The following RHCE variants were observed in gnomAD, a reference collection of about 807,000 sequenced individuals.
The protein encoded by RHCE is blood group Rh(CE) polypeptide.
Under a neutral mutation model 43.8 loss-of-function variants are expected in RHCE, and 22 were observed. The ratio of observed to expected loss-of-function variants is 0.50; its 90% CI spans 0.36 to 0.72. The LOEUF (loss-of-function observed/expected upper bound fraction) is 0.72. RHCE is among the 30% of genes least tolerant of loss of function. RHCE has a pLI of 0.00. For missense variants in RHCE, 385 were observed against 525.4 expected (o/e 0.73, Z 2.61); for synonymous variants, 156 against 210.7 (o/e 0.74, Z 2.25).
intron 2 of RHCE, among the ~76,000 whole-genome samples, chr1:25,428,558 A>C (rs1478524752): frequency 6.6e-6 from 1 of 152,226 alleles, no homozygotes; most frequent in Non-Finnish European, 1.5e-5. Flanking sequence ...GAATTAAGGC[A>C]TGAGAAACAA....
intron 1 of RHCE, among the ~76,000 whole-genome samples, chr1:25,411,186 A>G (rs537639590): frequency 1.3e-5 from 2 of 152,186 alleles, no homozygotes; most frequent in Non-Finnish European, 2.9e-5. Flanking sequence ...TACTTTCCTT[A>G]TCAACAGAAT....
Position 25,405,937 on chromosome 1 carries a change from G to C in RHCE, c.335+2746C>G, listed in dbSNP as rs552939224. 4.4e-4 allele frequency among the ~76,000 whole-genome samples: 54 copies of C among 122,994 alleles called. 5 individuals are homozygous for C. The highest frequency in any genetic ancestry group is 1.3e-3 in the African/African-American group (50 of 39,786). The allele number at this position is 122,994 out of a possible 152,430, so 80.7% of individuals were successfully genotyped here. Reference sequence around the variant, plus strand: ...CCTGACGGGAACCGGTCAGGAAGGAGCCAGTTTCAGCAGGGGTCACCCCTA... The same window carrying C: ...CCTGACGGGAACCGGTCAGGAAGGACCCAGTTTCAGCAGGGGTCACCCCTA... On this transcript the variant is annotated intron_variant, in intron 2 of 9. Transcript: ENST00000294413.
At chr1:25,377,771 G>A (rs1645833638) in intron 7 of RHCE, among the ~76,000 whole-genome samples, 1 of 152,146 alleles carries the variant, frequency 6.6e-6, no homozygotes, top group Non-Finnish European at 1.5e-5. Context: ...TGGGCATGGT[G>A]GCATGCACCT....
chr1:25,370,919 T>A (rs1369341478), intron 8 of RHCE, among the ~76,000 whole-genome samples: 1 of 147,512 alleles, frequency 6.8e-6, no homozygotes, highest in Non-Finnish European at 1.5e-5. Flanking sequence ...CAGCTAATTT[T>A]TTTTTTTTTT....
chr1:25,424,089 G>T (rs1382970950), upstream of RHCE, among the ~76,000 whole-genome samples: 2 of 152,184 alleles, frequency 1.3e-5, no homozygotes, highest in Non-Finnish European at 2.9e-5. Context: ...TACATTACAT[G>T]AGATATTCAA....
chr1:25,362,281 G>T lies in RHCE; in HGVS notation c.*246C>A, dbSNP rs1645420706. 2 of 842,434 alleles carry T rather than the reference G, an allele frequency of 2.4e-6. No individual in the cohort carries two copies. The highest frequency in any genetic ancestry group is 2.9e-5 in the Admixed American group (1 of 34,738). 52.2% of individuals were successfully genotyped at this position (842,434 alleles called of 1,614,324 possible). A position where few individuals can be genotyped will look rare whatever the true frequency, so the allele number is the denominator to read the frequency against. On this transcript the variant is annotated 3_prime_UTR_variant, in exon 10 of 10. Coordinates refer to ENST00000294413, the MANE Select transcript of RHCE (RefSeq NM_020485.8). Reference sequence around the variant, plus strand: ...AACCCAAAACTTTAATAATGTGTCTGTAACCAAGAAAATATTGATAGCATC... The same window carrying T: ...AACCCAAAACTTTAATAATGTGTCTTTAACCAAGAAAATATTGATAGCATC...
chr1:25,409,199 G>A (rs1647000679), intron 1 of RHCE, among the ~76,000 whole-genome samples: 1 of 123,630 alleles, frequency 8.1e-6, no homozygotes, highest in African/African-American at 2.5e-5. Flanking sequence ...TAAAGTACAC[G>A]TGCTTGATGC....
chr1:25,369,452 A>T (rs1645537604), intron 9 of RHCE, among the ~76,000 whole-genome samples: 1 of 151,676 alleles, frequency 6.6e-6, no homozygotes, highest in Admixed American at 6.6e-5. Context: ...GGGACACATC[A>T]GAGTGCTGCG....
At chr1:25,385,434 G>C (rs913742314) in intron 7 of RHCE, 19 of 503,256 alleles carry the variant, frequency 3.8e-5, no homozygotes, top group Non-Finnish European at 7.1e-5. Flanking sequence ...GGGCCTATTT[G>C]ACCTGCTCTG....
chr1:25,376,449 G>A (rs780926136), intron 7 of RHCE, among the ~76,000 whole-genome samples: 2 of 152,266 alleles, frequency 1.3e-5, no homozygotes, highest in East Asian at 3.9e-4. Flanking sequence ...TAAGACAAAG[G>A]AAAGCTCCAA....
intron 8 of RHCE, among the ~76,000 whole-genome samples, chr1:25,372,317 C>G (rs35302526): frequency 6.6e-6 from 1 of 151,284 alleles, no homozygotes; most frequent in Non-Finnish European, 1.5e-5. Flanking sequence ...GTCAGGAGTT[C>G]GAGACCAGCA....
upstream of RHCE, chr1:25,420,995 A>G (rs531791417): frequency 1.6e-6 from 1 of 637,612 alleles, no homozygotes; most frequent in East Asian, 2.8e-5. Flanking sequence ...ATGTTTTCCA[A>G]TATTGTCATT....
rs1236021299 is a variant in RHCE, at chr1:25,406,684, G to A, written c.335+1999C>T. Among the ~76,000 whole-genome samples the A allele has an allele frequency of 2.7e-5, 3 of 112,520 alleles. 1 individual carries two copies. 73.8% of individuals were successfully genotyped at this position (112,520 alleles called of 152,430 possible). ...TCTGTCGCCCAGGCTAGAGTGCAGT[G>A]GCACGATCTCGGCTCACTGCAAACT... is the stretch of plus-strand genomic sequence containing the variant. On this transcript the variant is annotated intron_variant, in intron 2 of 9. Transcript: ENST00000294413.
chr1:25,411,985 C>T (rs1359995889), intron 1 of RHCE, among the ~76,000 whole-genome samples: 1 of 152,174 alleles, frequency 6.6e-6, no homozygotes, highest in Non-Finnish European at 1.5e-5. Flanking sequence ...TCTCATTTTA[C>T]AGAAGGGGAC....
chr1:25,390,478 C>T (rs545478896), intron 5 of RHCE, among the ~76,000 whole-genome samples: 10 of 152,166 alleles, frequency 6.6e-5, no homozygotes, highest in East Asian at 1.9e-4. Flanking sequence ...CTAGCAGAAA[C>T]GGGGTTCAAA....
chr1:25,414,167 G>T (rs973405333), intron 1 of RHCE, among the ~76,000 whole-genome samples: 26 of 151,220 alleles, frequency 1.7e-4, no homozygotes, highest in African/African-American at 6.1e-4. Context: ...TCTCCCCCAG[G>T]CCTGTTGCAA....
At position 25,402,691 on chromosome 1, in the gene RHCE, A is replaced by C; in HGVS notation, c.391T>G (p.Leu131Val). 1 of 1,614,020 alleles carries C rather than the reference A, an allele frequency of 6.2e-7. No homozygotes were observed. Among genetic ancestry groups the C allele is most frequent in the South Asian group, 1.1e-5 (1 of 91,058 alleles). The change falls in exon 3 of 10, where the codon TTG becomes GTG. Residue 131 changes from leucine to valine, a missense_variant. By Grantham distance (32) the Leu-to-Val change is conservative. This residue lies in a region of RHCE where 110 missense variants were observed against 192.1 expected (regional missense o/e 0.57). Transcript: ENST00000294413. ...AACTGCGCCAAGTTGACCTTCCCCAAGACAGCACCCGCTGAGATCAGCACC... is the reference window on the plus strand; with the variant it reads ...AACTGCGCCAAGTTGACCTTCCCCACGACAGCACCCGCTGAGATCAGCACC... ...MSVLISAGAV[L>V]GKVNLAQLVV... is the part of the protein sequence containing the mutation.
chr1:25,379,483 ATATATATATATATTTTTTTTTTTTTTT>A (rs1394495697), intron 7 of RHCE, among the ~76,000 whole-genome samples: 19 of 19,452 alleles, frequency 9.8e-4, no homozygotes, highest in African/African-American at 5.8e-3. Flanking sequence ...ATATATATAT[ATATATATATATATTTTTTTTTTTTTTT>A]TTTTTTTTTT....
intron 7 of RHCE, among the ~76,000 whole-genome samples, chr1:25,383,427 G>A (rs757489604): frequency 1.7e-4 from 26 of 152,148 alleles, no homozygotes; most frequent in Non-Finnish European, 1.0e-4. Context: ...ACATAGAGAT[G>A]TCCCCATACT....
Sources: allele counts gnomAD v4.1 joint callset (sites outside exome capture counted in the v4.1 genomes callset), GRCh38; gene constraint gnomAD v4.1.1; regional missense constraint gnomAD v4.1.1; transcripts MANE v1.5; gene names NCBI Gene and HGNC (gene_info 2026-07-23, HGNC 2026-07-21).